Variants in KMT2C observed in about 807,000 individuals in gnomAD.
KMT2C encodes histone-lysine N-methyltransferase 2C.
Under a neutral mutation model 507.9 loss-of-function variants are expected in KMT2C, and 88 were observed. The observed-to-expected ratio is 0.17, with a 90% confidence interval of 0.15 to 0.21. The LOEUF (loss-of-function observed/expected upper bound fraction) is 0.21. Ranked by LOEUF, KMT2C falls within the 10% of genes least tolerant of loss-of-function variation. The probability of loss-of-function intolerance (pLI) is 1.00; values close to 1 mark genes in which losing one functional copy is unlikely to be tolerated. For synonymous variants in KMT2C, 2,049 were observed against 2,080.8 expected (o/e 0.98, Z 0.42); for missense variants, 4,954 against 5,957.8 (o/e 0.83, Z 5.55).
intron 37 of KMT2C, 77 bp downstream of exon 37, chr7:152,179,757 G>T: frequency 7.2e-7 from 1 of 1,381,580 alleles, no homozygotes; most frequent in Non-Finnish European, 1.0e-6. Context: ...TAGGATTACA[G>T]GCACAAGCCA....
intron 6 of KMT2C, among the ~76,000 whole-genome samples, chr7:152,297,647 A>G (rs2096528779): frequency 6.6e-6 from 1 of 152,230 alleles, no homozygotes; most frequent in Non-Finnish European, 1.5e-5. Flanking sequence ...ACTCCTTCAT[A>G]TCTGTCTAAT....
intron 2 of KMT2C, among the ~76,000 whole-genome samples, chr7:152,336,898 T>A (rs1269864320): frequency 3.9e-5 from 6 of 152,182 alleles, no homozygotes. Context: ...ACTGCAACCC[T>A]GGGATAAGGA....
At chr7:152,268,554 C>T (rs2095900499) in intron 7 of KMT2C, among the ~76,000 whole-genome samples, 1 of 152,026 alleles carries the variant, frequency 6.6e-6, no homozygotes, top group South Asian at 2.1e-4. Context: ...AAGTGATAGG[C>T]ATTTAAAATA....
In KMT2C at chr7:152,358,663, C is replaced by G. The variant is rs762608478; in HGVS notation, c.174G>C (p.Arg58Ser). 2 of 1,606,610 alleles carry G rather than the reference C, an allele frequency of 1.2e-6. No homozygotes were observed. The highest frequency in any genetic ancestry group is 3.3e-5 in the Admixed American group (2 of 59,718). Residue 58 changes from arginine (R) to serine (S), a missense_variant, in exon 2 of 59, where the codon AGG becomes AGC. Coordinates refer to ENST00000262189, the MANE Select transcript of KMT2C (RefSeq NM_170606.3). ...FQRARKKPRS[R>S]GKTAVEDEDS... is the part of the protein sequence containing the mutation. ...CCTCATCTTCCACTGCAGTTTTCCC[C>G]CTACTTCGAGGTCTACAGAAAAAAA...
intron 1 of KMT2C, among the ~76,000 whole-genome samples, chr7:152,388,586 T>G (rs2097456381): frequency 1.3e-5 from 2 of 152,304 alleles, no homozygotes; most frequent in Non-Finnish European, 1.5e-5. Context: ...AAAAAGTATC[T>G]AATCAGGAGA....
intron 38 of KMT2C, among the ~76,000 whole-genome samples, 197 bp from the exon 39 acceptor site, chr7:152,174,439 G>A (rs974120833): frequency 5.9e-5 from 9 of 152,020 alleles, no homozygotes; most frequent in African/African-American, 2.2e-4. Context: ...TAGTCCTGCA[G>A]GAATTAAAAC....
At chr7:152,198,500 A>C (rs1335797085) in intron 27 of KMT2C, among the ~76,000 whole-genome samples, 1 of 152,228 alleles carries the variant, frequency 6.6e-6, no homozygotes. Context: ...AAGAACAATG[A>C]TTTACAATTG....
At chr7:152,261,278 G>C (rs2095769397) in intron 9 of KMT2C, among the ~76,000 whole-genome samples, 1 of 152,214 alleles carries the variant, frequency 6.6e-6, no homozygotes, top group South Asian at 2.1e-4. Flanking sequence ...TTTCATACTG[G>C]TAAAAAGCAC....
intron 16 of KMT2C, among the ~76,000 whole-genome samples, chr7:152,233,468 C>T (rs1056750471): frequency 6.6e-6 from 1 of 151,368 alleles, no homozygotes; most frequent in Non-Finnish European, 1.5e-5. Flanking sequence ...AAAAGAAGAT[C>T]AAATTAAACT....
At chr7:152,301,481 C>T (rs1268349696) in intron 6 of KMT2C, among the ~76,000 whole-genome samples, 2 of 152,182 alleles carry the variant, frequency 1.3e-5, no homozygotes, top group African/African-American at 4.8e-5. Context: ...TGCATTCCAG[C>T]CCGCTGACAG....
intron 2 of KMT2C, among the ~76,000 whole-genome samples, chr7:152,347,400 C>G (rs1443740197): frequency 6.6e-6 from 1 of 152,204 alleles, no homozygotes; most frequent in Non-Finnish European, 1.5e-5. Flanking sequence ...CTGCACTGAA[C>G]ATGGTGAAAG....
At chr7:152,300,760 C>G (rs1208178456) in intron 6 of KMT2C, among the ~76,000 whole-genome samples, 3 of 152,168 alleles carry the variant, frequency 2.0e-5, no homozygotes, top group Non-Finnish European at 4.4e-5. Flanking sequence ...TATCCTTCCT[C>G]TTAAACTATA....
intron 40 of KMT2C, 61 bp from the exon 41 acceptor site, chr7:152,169,310 A>C: frequency 2.3e-6 from 2 of 875,598 alleles, no homozygotes; most frequent in South Asian, 3.0e-5. Context: ...GGGGGAAAAA[A>C]CTTTAAAAGA....
intron 1 of KMT2C, among the ~76,000 whole-genome samples, chr7:152,431,970 T>C (rs1055442357): frequency 5.4e-4 from 83 of 152,336 alleles, no homozygotes; most frequent in African/African-American, 1.9e-3. Context: ...AGAAATTTTG[T>C]TGGGGGAAGG....
At chr7:152,357,640 AAC>A (rs2129230644) in intron 2 of KMT2C, among the ~76,000 whole-genome samples, 1 of 152,290 alleles carries the variant, frequency 6.6e-6, no homozygotes, top group East Asian at 1.9e-4. Context: ...AAAAAGAATT[AAC>A]AGTTTAAAGT....
intron 1 of KMT2C, among the ~76,000 whole-genome samples, chr7:152,435,187 G>A (rs1590047868): frequency 6.6e-6 from 1 of 152,198 alleles, no homozygotes; most frequent in South Asian, 2.1e-4. Context: ...ACCTGGCCCG[G>A]GCGTTTTGAC....
chr7:152,424,820 C>CCGAG (rs2097801445), intron 1 of KMT2C, among the ~76,000 whole-genome samples: 1 of 152,172 alleles, frequency 6.6e-6, no homozygotes, highest in Non-Finnish European at 1.5e-5. Flanking sequence ...AGTTAAGCCT[C>CCGAG]CCTCTTTCCA....
chr7:152,158,899 C>A lies in KMT2C; in HGVS notation c.11634G>T (p.Met3878Ile). Residue 3878 changes from methionine to isoleucine, a missense_variant, in exon 44 of 59, where the codon ATG (methionine) becomes ATT (isoleucine). Physicochemically the swap from Met to Ile is conservative, Grantham distance 10. Coordinates refer to ENST00000262189, the MANE Select transcript of KMT2C (RefSeq NM_170606.3). ...GGGTAAACGTGTCAGTGCTAGAGTACATAGCTTGTTTCTCCTCTTCGTCCT... is the reference window on the plus strand; with the variant it reads ...GGGTAAACGTGTCAGTGCTAGAGTAAATAGCTTGTTTCTCCTCTTCGTCCT... ...RKKDEEEKQA[M>I]YSSTDTFTHL... is the part of the protein sequence containing the mutation. The A allele has an allele frequency of 6.2e-7, 1 of 1,614,200 alleles. No homozygotes were observed.
intron 1 of KMT2C, among the ~76,000 whole-genome samples, chr7:152,412,065 C>T (rs2097690023): frequency 6.6e-6 from 1 of 152,188 alleles, no homozygotes; most frequent in South Asian, 2.1e-4. Context: ...TATTTTCTTC[C>T]ATTTAACAAA....
Sources: allele counts gnomAD v4.1 joint callset (sites outside exome capture counted in the v4.1 genomes callset), GRCh38; gene constraint gnomAD v4.1.1; transcripts MANE v1.5; gene names NCBI Gene and HGNC (gene_info 2026-07-23, HGNC 2026-07-21).